Variants in TTC13 observed in about 807,000 individuals in gnomAD.
TTC13 encodes the protein tetratricopeptide repeat protein 13.
In TTC13, 62 loss-of-function variants were observed where a neutral mutation model predicts 120.0. The ratio of observed to expected loss-of-function variants is 0.52; its 90% CI spans 0.42 to 0.64. The LOEUF (loss-of-function observed/expected upper bound fraction) is 0.64, where lower values mean the gene tolerates loss of function less well. Ranked by LOEUF, TTC13 falls within the 30% of genes least tolerant of loss-of-function variation. The probability of loss-of-function intolerance (pLI) is 0.00; values close to 1 mark genes in which losing one functional copy is unlikely to be tolerated. For missense variants in TTC13, 824 were observed against 1,050.2 expected (o/e 0.78, Z 2.98); for synonymous variants, 384 against 393.5 (o/e 0.98, Z 0.28).
At position 230,906,789 on chromosome 1, in the gene TTC13, T is replaced by C. The variant is rs1253217993; in HGVS notation, c.*116A>G. The C allele has an allele frequency of 4.6e-6, 2 of 431,522 alleles. No homozygotes were observed. The highest frequency in any genetic ancestry group is 4.2e-5 in the Admixed American group (1 of 23,884). 26.7% of individuals were successfully genotyped at this position (431,522 alleles called of 1,614,324 possible). ...AATGATTTCAAGTATTCAATTCCTA[T>C]AAAAATTGGTATCAAAAGTAATAGA... On this transcript the variant is annotated 3_prime_UTR_variant, in exon 23 of 23. Transcript: ENST00000366661.
At chr1:230,948,303 T>C (rs577457958) in intron 4 of TTC13, among the ~76,000 whole-genome samples, 2 of 145,876 alleles carry the variant, frequency 1.4e-5, no homozygotes, top group East Asian at 4.0e-4. Context: ...TGGAATCTGA[T>C]ATTTTCTAGT....
chr1:230,950,150 A>T (rs1374307258), intron 4 of TTC13, among the ~76,000 whole-genome samples: 2 of 152,108 alleles, frequency 1.3e-5, no homozygotes, highest in Admixed American at 1.3e-4. Flanking sequence ...ATGGAATGCC[A>T]TAGTAAATTA....
At chr1:230,945,002 T>C (rs1386788317) in intron 5 of TTC13, among the ~76,000 whole-genome samples, 3 of 152,188 alleles carry the variant, frequency 2.0e-5, no homozygotes, top group Admixed American at 6.5e-5. Context: ...GTATAAAATA[T>C]AACAAATAAA....
chr1:230,952,259 T>C (rs1403301275), intron 4 of TTC13, among the ~76,000 whole-genome samples: 2 of 152,192 alleles, frequency 1.3e-5, no homozygotes, highest in Non-Finnish European at 2.9e-5. Context: ...TGTTTACCCA[T>C]GTGCCATGCA....
rs1487765656 is a variant in TTC13, at chr1:230,906,710, T to C, written c.*195A>G. 1 of 318,678 alleles carries C rather than the reference T, an allele frequency of 3.1e-6. No individual in the cohort carries two copies. Among genetic ancestry groups the C allele is most frequent in the Non-Finnish European group, 5.8e-6 (1 of 172,392 alleles). The allele number at this position is 318,678 out of a possible 1,614,324, so 19.7% of individuals were successfully genotyped here. On this transcript the variant is annotated 3_prime_UTR_variant, in exon 23 of 23. Coordinates refer to ENST00000366661, the MANE Select transcript of TTC13 (RefSeq NM_024525.5). ...CTTTCCCTCCAAGTCAAGTAGCTTT[T>C]TCCCCCCGAAAGCCTCTTTCATGAT... is the stretch of plus-strand genomic sequence containing the variant.
At chr1:230,945,677 G>C (rs913416991) in intron 4 of TTC13, among the ~76,000 whole-genome samples, 2 of 152,134 alleles carry the variant, frequency 1.3e-5, no homozygotes, top group Non-Finnish European at 2.9e-5. Flanking sequence ...ATAATAGAGA[G>C]AGAAGGGAAC....
chr1:230,950,726 C>T (rs1675493519), intron 4 of TTC13, among the ~76,000 whole-genome samples: 1 of 152,184 alleles, frequency 6.6e-6, no homozygotes, highest in Non-Finnish European at 1.5e-5. Context: ...TATTCTTTTA[C>T]AAGTTCAGTT....
chr1:230,977,598 G>C (rs552788346), intron 1 of TTC13, among the ~76,000 whole-genome samples: 2 of 152,144 alleles, frequency 1.3e-5, no homozygotes, highest in Non-Finnish European at 2.9e-5. Context: ...AAAAAAAAAG[G>C]TATTGTTTTC....
Position 230,958,303 on chromosome 1 carries a change from G to GGAA in TTC13, c.367-7_367-5dup, listed in dbSNP as rs1558213815. 1 of 1,542,380 alleles carries GGAA rather than the reference G, an allele frequency of 6.5e-7. No homozygotes were observed. Among genetic ancestry groups the GGAA allele is most frequent in the Non-Finnish European group, 8.7e-7 (1 of 1,154,270 alleles). ...CTGCAATAGACTTGGCCTGGCTCTGGGAAAAAAAAAAAAAAAACCCATACA... is the reference window on the plus strand; with the variant it reads ...CTGCAATAGACTTGGCCTGGCTCTGGGAAGAAAAAAAAAAAAAAAACCCATACA... On this transcript the variant is annotated splice_polypyrimidine_tract_variant and splice_region_variant and intron_variant, in intron 2 of 22. Transcript: ENST00000366661.
At chr1:230,966,485 T>C (rs1677146153) in intron 1 of TTC13, among the ~76,000 whole-genome samples, 1 of 152,230 alleles carries the variant, frequency 6.6e-6, no homozygotes, top group Admixed American at 6.5e-5. Flanking sequence ...GATTTACATG[T>C]GATTTTTTAA....
chr1:230,945,254 C>T, intron 5 of TTC13, 135 bp downstream of exon 5: 1 of 817,936 alleles, frequency 1.2e-6, no homozygotes, highest in Non-Finnish European at 2.1e-6. Context: ...CTGCCATTTT[C>T]TCATCTGTGA....
At chr1:230,912,872 A>T in intron 18 of TTC13, 114 bp from the exon 19 acceptor site, 1 of 897,712 alleles carries the variant, frequency 1.1e-6, no homozygotes, top group Middle Eastern at 3.5e-4. Flanking sequence ...AACATATACA[A>T]GAATGTACCT....
At position 230,908,807 on chromosome 1, in the gene TTC13, A is replaced by G; in HGVS notation, c.2389-16T>C. On this transcript the variant is annotated splice_polypyrimidine_tract_variant and intron_variant, in intron 21 of 22. Coordinates refer to ENST00000366661, the MANE Select transcript of TTC13 (RefSeq NM_024525.5). Reference sequence around the variant, plus strand: ...AGTCGACTAACTGAAAAAGAAAGACATTTAGGAATGTTACTAAACATGGAG... The same window carrying G: ...AGTCGACTAACTGAAAAAGAAAGACGTTTAGGAATGTTACTAAACATGGAG... 6.2e-7 allele frequency: 1 copy of G among 1,611,692 alleles called. No homozygotes were observed. Among genetic ancestry groups the G allele is most frequent in the Non-Finnish European group, 8.5e-7 (1 of 1,177,864 alleles).
At position 230,912,681 on chromosome 1, in the gene TTC13, G is replaced by C. The variant is rs927761270; in HGVS notation, c.2171C>G (p.Ala724Gly). Residue 724 changes from alanine to glycine, a missense_variant, in exon 19 of 23, where the codon GCA becomes GGA. Physicochemically the swap from Ala to Gly is moderately conservative, Grantham distance 60 (BLOSUM62 0). Transcript: ENST00000366661. ...TTTTGCTGTCAAATCTTTATAAAGT[G>C]CATCTATTTCAGCATGATATAATTG... ...RTQLYHAEID[A>G]LYKDLTAKGK... The C allele has an allele frequency of 1.9e-6, 3 of 1,612,512 alleles. No homozygotes were observed. The highest frequency in any genetic ancestry group is 2.5e-6 in the Non-Finnish European group (3 of 1,179,340).
At chr1:230,932,989 T>C (rs1046321382) in intron 9 of TTC13, among the ~76,000 whole-genome samples, 1 of 152,162 alleles carries the variant, frequency 6.6e-6, no homozygotes, top group African/African-American at 2.4e-5. Context: ...TTTTCCTGTT[T>C]TGAGATAGAG....
intron 16 of TTC13, 62 bp from the exon 17 acceptor site, chr1:230,920,656 T>C: frequency 1.0e-6 from 1 of 989,166 alleles, no homozygotes; most frequent in East Asian, 2.7e-5. Flanking sequence ...TAATTAATCA[T>C]GCAATTATCT....
At chr1:230,963,962 G>A (rs1049384649) in intron 1 of TTC13, among the ~76,000 whole-genome samples, 5 of 152,122 alleles carry the variant, frequency 3.3e-5, no homozygotes, top group African/African-American at 1.2e-4. Context: ...GGAGAATAAT[G>A]ACTCAATGAA....
In TTC13 at chr1:230,915,352, G is replaced by A. The variant is rs563372767; in HGVS notation, c.2093+841C>T. Among the ~76,000 whole-genome samples the A allele has an allele frequency of 4.2e-5, 4 of 94,618 alleles. No individual in the cohort carries two copies. In the South Asian group the frequency reaches 1.7e-3, roughly 40 times the overall value. The allele number at this position is 94,618 out of a possible 152,430, so 62.1% of individuals were successfully genotyped here. A position where few individuals can be genotyped will look rare whatever the true frequency, so the allele number is the denominator to read the frequency against. On this transcript the variant is annotated intron_variant, in intron 18 of 22. Transcript: ENST00000366661. ...CTATGCACCTGAATATGGGGTGTGTGTGTATGTGTGTGTGTGTGTGTGCAC... is the reference window on the plus strand; with the variant it reads ...CTATGCACCTGAATATGGGGTGTGTATGTATGTGTGTGTGTGTGTGTGCAC...
intron 1 of TTC13, among the ~76,000 whole-genome samples, chr1:230,969,757 C>T (rs10779802): frequency 0.73 from 110,546 of 152,090 alleles, 40,664 homozygotes; most frequent in African/African-American, 0.84. Flanking sequence ...CCTTCATCTG[C>T]AAAATAGAAA....
Sources: gnomAD v4.1 joint callset for allele counts (sites outside exome capture counted in the v4.1 genomes callset) on GRCh38, gnomAD v4.1.1 for gene constraint, MANE v1.5 for transcripts, NCBI Gene and HGNC (gene_info 2026-07-23, HGNC 2026-07-21) for gene names.